Variants in CATSPERE observed in about 807,000 individuals in gnomAD.
The protein encoded by CATSPERE is cation channel sperm-associated auxiliary subunit epsilon.
CATSPERE carries 93 observed loss-of-function variants against 114.1 expected under a neutral mutation model. The ratio of observed to expected loss-of-function variants is 0.81; its 90% CI spans 0.69 to 0.97. The LOEUF (loss-of-function observed/expected upper bound fraction) is 0.97. Ranked by LOEUF, CATSPERE falls within the 50% of genes least tolerant of loss-of-function variation. CATSPERE has a pLI of 0.00. For missense variants in CATSPERE, 1,058 were observed against 1,131.6 expected, an observed-to-expected ratio of 0.93 and a Z score of 0.93; for synonymous variants, 341 against 384.1, an observed-to-expected ratio of 0.89 and a Z score of 1.31.
At chr1:244,544,156 C>G (rs3003240) in intron 8 of CATSPERE, among the ~76,000 whole-genome samples, 132,312 of 152,162 alleles carry the variant, frequency 0.87, 58,513 homozygotes, top group East Asian at 1. Flanking sequence ...TGGCTGCATC[C>G]TCTTCAGGAA....
chr1:244,628,858 T>C (rs1673533432), intron 20 of CATSPERE, among the ~76,000 whole-genome samples: 1 of 152,156 alleles, frequency 6.6e-6, no homozygotes, highest in African/African-American at 2.4e-5. Context: ...TCTAGGCAAA[T>C]GGGAGCTGAG....
Position 244,578,936 on chromosome 1 carries a change from C to T in CATSPERE, c.1951-2860C>T, listed in dbSNP as rs1047513077. On this transcript the variant is annotated intron_variant, in intron 11 of 21. Transcript: ENST00000366534. ...CTGTTTTTCAATTTTCCCTCTCGTTCAACATTTTCTTGTGATGTCATGACT... is the reference window on the plus strand; with the variant it reads ...CTGTTTTTCAATTTTCCCTCTCGTTTAACATTTTCTTGTGATGTCATGACT... Among the ~76,000 whole-genome samples the T allele has an allele frequency of 7.4e-5, 11 of 148,794 alleles. No homozygotes were observed. In the South Asian group the frequency reaches 2.3e-3, roughly 32 times the overall value.
intron 9 of CATSPERE, among the ~76,000 whole-genome samples, chr1:244,559,466 ATTACATT>A (rs1293970537): frequency 2.0e-5 from 3 of 152,208 alleles, no homozygotes; most frequent in Non-Finnish European, 2.9e-5. Flanking sequence ...GTACATAGAA[ATTACATT>A]TCAAGTAAAA....
At chr1:244,628,963 TC>T (rs1427812528) in intron 20 of CATSPERE, among the ~76,000 whole-genome samples, 1 of 152,226 alleles carries the variant, frequency 6.6e-6, no homozygotes, top group Admixed American at 6.5e-5. Context: ...ACTTCTGACT[TC>T]CTGGTGTTAG....
chr1:244,549,064 C>T (rs1190130703), intron 8 of CATSPERE, among the ~76,000 whole-genome samples: 1 of 152,176 alleles, frequency 6.6e-6, no homozygotes, highest in Admixed American at 6.5e-5. Context: ...GGAAGCTGGA[C>T]TACTATTCCA....
chr1:244,497,739 G>A (rs1024616034), intron 6 of CATSPERE, among the ~76,000 whole-genome samples: 4 of 152,226 alleles, frequency 2.6e-5, no homozygotes, highest in African/African-American at 7.2e-5. Flanking sequence ...GGAGGTTGCA[G>A]TGAGGTGAGA....
chr1:244,488,865 A>G (rs1299038043), intron 5 of CATSPERE, among the ~76,000 whole-genome samples: 5 of 152,228 alleles, frequency 3.3e-5, no homozygotes, highest in Admixed American at 3.3e-4. Context: ...CTAACATATC[A>G]GATTGAACAC....
intron 8 of CATSPERE, among the ~76,000 whole-genome samples, chr1:244,547,052 A>G (rs1260899419): frequency 6.6e-6 from 1 of 152,194 alleles, no homozygotes; most frequent in Non-Finnish European, 1.5e-5. Context: ...TCAAAGATGA[A>G]AGACAAAGAG....
intron 7 of CATSPERE, among the ~76,000 whole-genome samples, chr1:244,517,285 T>C (rs897924594): frequency 1.3e-5 from 2 of 152,020 alleles, no homozygotes; most frequent in South Asian, 4.1e-4. Flanking sequence ...AATCTTCTTA[T>C]ATGTATTATT....
chr1:244,490,349 T>G (rs909642411), intron 5 of CATSPERE, 98 bp from the exon 6 acceptor site: 1 of 743,226 alleles, frequency 1.3e-6, no homozygotes, highest in Non-Finnish European at 2.2e-6. Flanking sequence ...ATAAAGAGAA[T>G]ATGCAAAGGT....
At chr1:244,521,295 A>G (rs184607446) in intron 8 of CATSPERE, among the ~76,000 whole-genome samples, 1 of 152,306 alleles carries the variant, frequency 6.6e-6, no homozygotes, top group East Asian at 1.9e-4. Flanking sequence ...TTGAGGCCAC[A>G]GTGAGCTATG....
At chr1:244,475,871 G>C (rs1018604066) in intron 2 of CATSPERE, among the ~76,000 whole-genome samples, 2 of 152,000 alleles carry the variant, frequency 1.3e-5, no homozygotes, top group Non-Finnish European at 2.9e-5. Context: ...TGCTTTTACT[G>C]TTTATTCATA....
At chr1:244,629,829 G>A (rs1226354748) in intron 20 of CATSPERE, among the ~76,000 whole-genome samples, 3 of 150,944 alleles carry the variant, frequency 2.0e-5, no homozygotes, top group South Asian at 2.1e-4. Context: ...TAGTAGAGAC[G>A]GGATTTTGCC....
chr1:244,470,674 G>T (rs1668332090), intron 2 of CATSPERE, among the ~76,000 whole-genome samples: 1 of 152,102 alleles, frequency 6.6e-6, no homozygotes, highest in East Asian at 1.9e-4. Flanking sequence ...ACATCCAAGA[G>T]AAATGAAAAT....
intron 9 of CATSPERE, among the ~76,000 whole-genome samples, chr1:244,553,190 G>A (rs1187733092): frequency 6.6e-6 from 1 of 152,056 alleles, no homozygotes; most frequent in Non-Finnish European, 1.5e-5. Context: ...GGTCTTCGGG[G>A]TATCCGTCTC....
Position 244,479,713 on chromosome 1 carries a change from T to A in CATSPERE, c.259-4T>A. The stretch of plus-strand genomic sequence containing the variant: ...ATCACAGTTTCTTTTGCATTTTCTT[T>A]TAGGATGAAGAAGAACGCTATTTAT... On this transcript the variant is annotated splice_polypyrimidine_tract_variant and splice_region_variant and intron_variant, in intron 4 of 21. Coordinates refer to ENST00000366534, the MANE Select transcript of CATSPERE (RefSeq NM_001130957.2). 1 of 1,585,226 alleles carries A rather than the reference T, an allele frequency of 6.3e-7. No homozygotes were observed. The highest frequency in any genetic ancestry group is 2.3e-5 in the East Asian group (1 of 44,252).
At chr1:244,474,103 C>G (rs542135713) in intron 2 of CATSPERE, among the ~76,000 whole-genome samples, 1 of 152,032 alleles carries the variant, frequency 6.6e-6, no homozygotes, top group Non-Finnish European at 1.5e-5. Flanking sequence ...GTGATCTCGA[C>G]TCACTGCAAC....
intron 6 of CATSPERE, among the ~76,000 whole-genome samples, chr1:244,497,083 A>C (rs1323186501): frequency 1.3e-5 from 2 of 152,250 alleles, no homozygotes; most frequent in Non-Finnish European, 2.9e-5. Flanking sequence ...AAATAAATTC[A>C]AAATAATTTT....
At chr1:244,486,978 G>A (rs1671169180) in intron 5 of CATSPERE, among the ~76,000 whole-genome samples, 1 of 149,544 alleles carries the variant, frequency 6.7e-6, no homozygotes. Context: ...CGTGGGCCAT[G>A]TGTAGACCCT....
Sources: allele counts gnomAD v4.1 joint callset (sites outside exome capture counted in the v4.1 genomes callset), GRCh38; gene constraint gnomAD v4.1.1; transcripts MANE v1.5; gene names NCBI Gene and HGNC (gene_info 2026-07-23, HGNC 2026-07-21).